The following SPON1 variants were observed in gnomAD, a reference collection of about 807,000 sequenced individuals.
SPON1 encodes spondin-1.
Under a neutral mutation model 111.7 loss-of-function variants are expected in SPON1, and 52 were observed. The ratio of observed to expected loss-of-function variants is 0.47; its 90% confidence interval spans 0.37 to 0.59. SPON1 has a LOEUF of 0.59. Ranked by LOEUF, SPON1 falls within the 20% of genes least tolerant of loss-of-function variation. The pLI, the probability that SPON1 is intolerant of heterozygous loss-of-function variation, is 0.00. For synonymous variants in SPON1, 410 were observed against 395.8 expected, an observed-to-expected ratio of 1.04 and a Z score of -0.43; for missense variants, 957 against 1,068.5, an observed-to-expected ratio of 0.90 and a Z score of 1.46.
At chr11:14,045,205 A>G (rs1848659126) in intron 3 of SPON1, among the ~76,000 whole-genome samples, 1 of 152,332 alleles carries the variant, frequency 6.6e-6, no homozygotes, top group Admixed American at 6.5e-5. Flanking sequence ...ATCAATCTTT[A>G]AGATTCATAA....
At chr11:14,050,593 A>G (rs1848700630) in intron 3 of SPON1, among the ~76,000 whole-genome samples, 1 of 152,160 alleles carries the variant, frequency 6.6e-6, no homozygotes, top group Admixed American at 6.5e-5. Flanking sequence ...AGGTTCTTCT[A>G]AAAGCCCAGC....
rs1314177292 is a variant in SPON1 at position 14,228,270 on chromosome 11, T to A, written c.826-15062T>A. On this transcript the variant is annotated intron_variant, in intron 6 of 15. Coordinates refer to ENST00000576479, the MANE Select transcript of SPON1 (RefSeq NM_006108.4). The surrounding 1 kb of genome is among the most constrained non-coding windows in gnomAD (Gnocchi z 4.2). Reference sequence around the variant, plus strand: ...CACATTGTTCAGGCAGCAGCACACGTATCCTTTGGGCTTTACCTAGTCAAA... The same window carrying A: ...CACATTGTTCAGGCAGCAGCACACGAATCCTTTGGGCTTTACCTAGTCAAA... Among the ~76,000 whole-genome samples the A allele has an allele frequency of 6.6e-6, 1 of 152,258 alleles. No homozygotes were observed. Among genetic ancestry groups the A allele is most frequent in the Non-Finnish European group, 1.5e-5 (1 of 68,048 alleles).
intron 6 of SPON1, among the ~76,000 whole-genome samples, chr11:14,230,976 G>A (rs1294269071): frequency 6.6e-6 from 1 of 151,694 alleles, no homozygotes; most frequent in African/African-American, 2.4e-5. Context: ...TATTTTTTAT[G>A]TTTTATTTGT....
chr11:14,079,245 G>T (rs1418722330), intron 4 of SPON1, among the ~76,000 whole-genome samples: 1 of 152,142 alleles, frequency 6.6e-6, no homozygotes, highest in African/African-American at 2.4e-5. Flanking sequence ...GGAATCTTAA[G>T]TTTTTCCTGG....
At chr11:14,098,153 G>T (rs1055674912) in intron 5 of SPON1, among the ~76,000 whole-genome samples, 6 of 152,098 alleles carry the variant, frequency 3.9e-5, no homozygotes, top group African/African-American at 1.4e-4. Context: ...CTGCCACCAC[G>T]CCCAGCTAAT....
intron 2 of SPON1, among the ~76,000 whole-genome samples, chr11:14,010,644 C>T (rs1165001507): frequency 2.0e-5 from 3 of 152,216 alleles, no homozygotes; most frequent in African/African-American, 7.2e-5. Context: ...GGGAACACCA[C>T]ACCACTCTCA....
intron 6 of SPON1, among the ~76,000 whole-genome samples, chr11:14,163,380 C>A (rs1847989956): frequency 6.6e-6 from 1 of 152,268 alleles, no homozygotes; most frequent in South Asian, 2.1e-4. Context: ...TAAGTGCATC[C>A]CTTGTCATAG....
intron 6 of SPON1, among the ~76,000 whole-genome samples, chr11:14,207,118 A>T (rs1416802023): frequency 2.0e-5 from 3 of 152,224 alleles, no homozygotes; most frequent in African/African-American, 7.2e-5. Flanking sequence ...CAACCCTGAC[A>T]AAAACAAGCA....
chr11:14,054,820 C>A (rs1194634795), intron 3 of SPON1, among the ~76,000 whole-genome samples: 1 of 152,206 alleles, frequency 6.6e-6, no homozygotes, highest in Non-Finnish European at 1.5e-5. Flanking sequence ...GGATCTCCCG[C>A]TCTTACATAT....
At chr11:14,059,448 C>T (rs1554919606) in intron 3 of SPON1, among the ~76,000 whole-genome samples, 1 of 152,046 alleles carries the variant, frequency 6.6e-6, no homozygotes, top group African/African-American at 2.4e-5. Flanking sequence ...CTTTCCACCA[C>T]CGTAGACCCC....
At position 14,090,824 on chromosome 11, in the gene SPON1, G is replaced by GCCACCCCCCCCC. The variant is rs1849046497; in HGVS notation, c.676+10805_676+10806insACCCCCCCCCCC. On this transcript the variant is annotated intron_variant, in intron 5 of 15. Transcript: ENST00000576479. ...CAGCCTGCTTTTATTCTCTTATCTG[G>GCCACCCCCCCCC]CCCCCCCCCCCCCCCCCCCCGCCCA... Among the ~76,000 whole-genome samples, 42 of 45,606 alleles carry GCCACCCCCCCCC rather than the reference G, an allele frequency of 9.2e-4. 3 individuals are homozygous for GCCACCCCCCCCC. The highest frequency in any genetic ancestry group is 1.6e-3 in the Admixed American group (6 of 3,756). The allele number at this position is 45,606 out of a possible 152,430, so 29.9% of individuals were successfully genotyped here.
chr11:14,011,869 C>G (rs1848407655), intron 2 of SPON1, among the ~76,000 whole-genome samples: 1 of 152,196 alleles, frequency 6.6e-6, no homozygotes, highest in African/African-American at 2.4e-5. Context: ...AATACAACAT[C>G]TCAGATTTGA....
intron 6 of SPON1, among the ~76,000 whole-genome samples, chr11:14,170,266 G>A (rs1276990433): frequency 1.3e-5 from 2 of 152,094 alleles, no homozygotes; most frequent in African/African-American, 4.8e-5. Flanking sequence ...AATTGTGAAT[G>A]GGAGTTCACT....
intron 6 of SPON1, among the ~76,000 whole-genome samples, chr11:14,208,755 G>A (rs1591411866): frequency 6.6e-6 from 1 of 152,012 alleles, no homozygotes; most frequent in South Asian, 2.1e-4. Flanking sequence ...ATTGTTTATT[G>A]TACTTCATAT....
chr11:14,182,270 G>A (rs1027325013), intron 6 of SPON1, among the ~76,000 whole-genome samples: 1 of 152,172 alleles, frequency 6.6e-6, no homozygotes, highest in East Asian at 1.9e-4. Flanking sequence ...ATTTGAATAG[G>A]CATGTGTGAG....
At chr11:14,241,691 C>A (rs529200984) in intron 6 of SPON1, among the ~76,000 whole-genome samples, 1 of 152,182 alleles carries the variant, frequency 6.6e-6, no homozygotes, top group Admixed American at 6.5e-5. Context: ...ATGGAGCTGG[C>A]ACTCAGGAGA....
intron 6 of SPON1, among the ~76,000 whole-genome samples, chr11:14,242,198 G>T (rs918019071): frequency 1.3e-5 from 2 of 152,162 alleles, no homozygotes; most frequent in African/African-American, 4.8e-5. Flanking sequence ...TTTCCATGGG[G>T]CTGTGGGATT....
At position 14,132,263 on chromosome 11, in the gene SPON1, A is replaced by G. The variant is rs1207073893; in HGVS notation, c.677-3157A>G. Among the ~76,000 whole-genome samples the G allele has an allele frequency of 2.6e-5, 4 of 151,924 alleles. No homozygotes were observed. In the East Asian group the frequency reaches 5.8e-4, roughly 22 times the overall value. ...ACTACACTCTAGCCCAGGCAACAGT[A>G]CAAGACTCCGTCTCAAAAAAAAAAA... is the stretch of plus-strand genomic sequence containing the variant. On this transcript the variant is annotated intron_variant, in intron 5 of 15. Transcript: ENST00000576479.
At chr11:14,124,136 C>T (rs1554926790) in intron 5 of SPON1, among the ~76,000 whole-genome samples, 1 of 152,054 alleles carries the variant, frequency 6.6e-6, no homozygotes, top group African/African-American at 2.4e-5. Flanking sequence ...TCATGATCTG[C>T]CTGGCTGACT....
Sources: gnomAD v4.1 joint callset for allele counts (sites outside exome capture counted in the v4.1 genomes callset) on GRCh38, gnomAD v4.1.1 for gene constraint, Gnocchi (gnomAD v3.1) non-coding constraint, MANE v1.5 for transcripts, NCBI Gene and HGNC (gene_info 2026-07-23, HGNC 2026-07-21) for gene names.